LRBA: variants seen among roughly 807,000 people sequenced by gnomAD.
The protein encoded by LRBA is lipopolysaccharide-responsive and beige-like anchor protein.
In LRBA, 176 loss-of-function variants were observed where a neutral mutation model predicts 330.0. That is an observed-to-expected ratio of 0.53 (90% CI 0.47 to 0.60). LRBA has a LOEUF of 0.60. LRBA is among the 20% of genes least tolerant of loss of function. LRBA has a pLI of 0.00. For missense variants in LRBA, 3,259 were observed against 3,444.8 expected, an observed-to-expected ratio of 0.95 and a Z score of 1.35; for synonymous variants, 1,230 against 1,193.0, an observed-to-expected ratio of 1.03 and a Z score of -0.64.
intron 22 of LRBA, among the ~76,000 whole-genome samples, chr4:150,855,298 A>C (rs1335368598): frequency 6.6e-6 from 1 of 152,118 alleles, no homozygotes; most frequent in Non-Finnish European, 1.5e-5. Flanking sequence ...CTTTTTGGAA[A>C]ACTGACTTTA....
intron 40 of LRBA, among the ~76,000 whole-genome samples, chr4:150,502,115 T>A (rs1391704478): frequency 6.6e-6 from 1 of 152,134 alleles, no homozygotes; most frequent in Admixed American, 6.5e-5. Context: ...TTCAGCTGAG[T>A]ACTGACCAAG....
At chr4:150,348,739 T>C (rs1736745806) in intron 48 of LRBA, among the ~76,000 whole-genome samples, 5 of 152,108 alleles carry the variant, frequency 3.3e-5, no homozygotes, top group Admixed American at 3.3e-4. Flanking sequence ...GAATAAAGTA[T>C]TACGTTCAAA....
At chr4:150,851,737 C>T (rs1750642957) in intron 23 of LRBA, 148 bp downstream of exon 23, 1 of 794,716 alleles carries the variant, frequency 1.3e-6, no homozygotes, top group Admixed American at 3.5e-5. Context: ...TGCTAATGAT[C>T]TGAAATACAA....
chr4:150,897,145 T>A (rs1730178388), intron 15 of LRBA, among the ~76,000 whole-genome samples: 1 of 152,020 alleles, frequency 6.6e-6, no homozygotes, highest in Admixed American at 6.6e-5. Flanking sequence ...TACTAAAAGT[T>A]AGGTTCACTT....
chr4:150,567,687 GTTATTC>G (rs1561364044), intron 40 of LRBA, among the ~76,000 whole-genome samples: 1 of 152,106 alleles, frequency 6.6e-6, no homozygotes, highest in African/African-American at 2.4e-5. Flanking sequence ...AAAGTGGTGT[GTTATTC>G]TTATCATCTC....
Position 150,852,279 on chromosome 4 carries a change from T to C in LRBA, c.3431A>G (p.Lys1144Arg), listed in dbSNP as rs1578998089. Residue 1144 changes from lysine (K) to arginine (R), a missense_variant, in exon 23 of 57, where the codon AAA (lysine) becomes AGA (arginine). Physicochemically the swap from Lys to Arg is conservative, Grantham distance 26. Coordinates refer to ENST00000651943, the MANE Select transcript of LRBA (RefSeq NM_001364905.1). ...LSPAASEAGE[K>R]LDMFGNDDKL... is the part of the protein sequence containing the mutation. The stretch of plus-strand genomic sequence containing the variant: ...GTCATCATTACCAAACATGTCCAGT[T>C]TTTCACCGGCTTCAGATGCAGCTGG... 3 of 1,614,128 alleles carry C rather than the reference T, an allele frequency of 1.9e-6. No individual in the cohort carries two copies. The East Asian group carries it at 6.7e-5, about 36-fold the overall frequency.
chr4:150,962,602 T>A lies in LRBA; in HGVS notation c.217-33537A>T, dbSNP rs1227174112. 3.3e-5 allele frequency among the ~76,000 whole-genome samples: 5 copies of A among 149,294 alleles called. 1 individual carries two copies. Among genetic ancestry groups the A allele is most frequent in the East Asian group, 1.9e-4 (1 of 5,180 alleles). On this transcript the variant is annotated intron_variant, in intron 2 of 56. Transcript: ENST00000651943. ...TGAGTAAGAAAAGCCTTTCTATGTA[T>A]GATTCAAAACCCACTAACTATAAAA...
At chr4:150,661,829 G>A (rs992637313) in intron 37 of LRBA, among the ~76,000 whole-genome samples, 2 of 151,702 alleles carry the variant, frequency 1.3e-5, no homozygotes, top group African/African-American at 4.8e-5. Flanking sequence ...CACCACGTTG[G>A]CCAGGCTGGT....
intron 35 of LRBA, among the ~76,000 whole-genome samples, chr4:150,752,260 T>C (rs1733659169): frequency 6.6e-6 from 1 of 152,130 alleles, no homozygotes; most frequent in Non-Finnish European, 1.5e-5. Flanking sequence ...TCCATGTATC[T>C]GCCTCCTTGC....
At chr4:150,847,171 G>A (rs1749966920) in intron 26 of LRBA, among the ~76,000 whole-genome samples, 1 of 152,098 alleles carries the variant, frequency 6.6e-6, no homozygotes, top group African/African-American at 2.4e-5. Flanking sequence ...TTTAGCTATA[G>A]ATAAGTTTCC....
Position 150,543,478 on chromosome 4 carries a change from G to A in LRBA, c.6330+44570C>T, listed in dbSNP as rs192609784. On this transcript the variant is annotated intron_variant, in intron 40 of 56. Transcript: ENST00000651943. ...TGTTTTAACCAAATATTTTCTTGAC[G>A]CAGAAGAGGCAATCATGATCTTTGG... is the stretch of plus-strand genomic sequence containing the variant. Among the ~76,000 whole-genome samples, 25 of 152,232 alleles carry A rather than the reference G, an allele frequency of 1.6e-4. 1 individual carries two copies. Among genetic ancestry groups the A allele is most frequent in the Admixed American group, 1.5e-3 (23 of 15,292 alleles).
chr4:150,990,979 G>A (rs1032202415), intron 2 of LRBA, among the ~76,000 whole-genome samples: 30 of 151,468 alleles, frequency 2.0e-4, no homozygotes, highest in Non-Finnish European at 3.1e-4. Flanking sequence ...GCTGAACCTC[G>A]GACAGGGAGG....
chr4:150,475,254 A>G (rs972949441), intron 42 of LRBA, among the ~76,000 whole-genome samples: 1 of 152,098 alleles, frequency 6.6e-6, no homozygotes, highest in African/African-American at 2.4e-5. Flanking sequence ...TTTTCCTGTA[A>G]TGTCTTTGTC....
chr4:150,405,523 T>C (rs1746074477), intron 47 of LRBA, among the ~76,000 whole-genome samples: 1 of 152,190 alleles, frequency 6.6e-6, no homozygotes, highest in Non-Finnish European at 1.5e-5. Flanking sequence ...GAAATGTTTC[T>C]ATTAAGGTAA....
At position 150,601,997 on chromosome 4, in the gene LRBA, A is replaced by C. The variant is rs752040351; in HGVS notation, c.5922-2866T>G. ...TGAGCCACCGCACCCGGCCTATTCT[A>C]TCAATAATTTTTTTAAATACTTAAA... is the stretch of plus-strand genomic sequence containing the variant. On this transcript the variant is annotated intron_variant, in intron 37 of 56. Coordinates refer to ENST00000651943, the MANE Select transcript of LRBA (RefSeq NM_001364905.1). Among the ~76,000 whole-genome samples the C allele has an allele frequency of 6.0e-4, 90 of 150,722 alleles. 2 individuals are homozygous for C. The highest frequency in any genetic ancestry group is 6.7e-4 in the Admixed American group (10 of 14,934).
rs780652134 is a variant in LRBA at position 150,735,307 on chromosome 4, A to G, written c.5705T>C (p.Ile1902Thr). The G allele has an allele frequency of 6.2e-7, 1 of 1,613,870 alleles. No homozygotes were observed. The highest frequency in any genetic ancestry group is 8.5e-7 in the Non-Finnish European group (1 of 1,179,810). ...ATCTTCTGCTCTCTGCCTGCTCAGG[A>G]TAAATTCAGCTTCATTTGCTACTCT... Reference protein sequence around the residue: ...LVRVANEAEFILSRQRAEDIH... With the variant: ...LVRVANEAEFTLSRQRAEDIH... Residue 1902 changes from isoleucine (I) to threonine (T), a missense_variant, in exon 36 of 57, where the codon ATC (isoleucine) becomes ACC (threonine). By Grantham distance (89) the Ile-to-Thr change is moderately conservative (BLOSUM62 -1). Coordinates refer to ENST00000651943, the MANE Select transcript of LRBA (RefSeq NM_001364905.1).
At chr4:150,679,825 C>T (rs1417333849) in intron 37 of LRBA, among the ~76,000 whole-genome samples, 1 of 152,102 alleles carries the variant, frequency 6.6e-6, no homozygotes, top group Non-Finnish European at 1.5e-5. Flanking sequence ...TCTAGCTCTA[C>T]CTATGCATTT....
At chr4:150,373,162 T>TGAGAGAGAGAGA (rs1385413027) in intron 47 of LRBA, among the ~76,000 whole-genome samples, 3 of 144,988 alleles carry the variant, frequency 2.1e-5, no homozygotes, top group African/African-American at 7.9e-5. Context: ...TGTGTGTGTG[T>TGAGAGAGAGAGA]GTGTGTGTGT....
chr4:150,790,551 ATC>A (rs1381810657), intron 34 of LRBA, among the ~76,000 whole-genome samples: 4 of 152,314 alleles, frequency 2.6e-5, no homozygotes, highest in East Asian at 3.9e-4. Context: ...ATAGAAAGTT[ATC>A]TGTTATAAAA....
Sources: allele counts gnomAD v4.1 joint callset (sites outside exome capture counted in the v4.1 genomes callset), GRCh38; gene constraint gnomAD v4.1.1; transcripts MANE v1.5; gene names NCBI Gene and HGNC (gene_info 2026-07-23, HGNC 2026-07-21).